The following PCDHGA5 variants were observed in gnomAD, a reference collection of about 807,000 sequenced individuals.
The protein encoded by PCDHGA5 is protocadherin gamma subfamily A, 5.
A neutral mutation model predicts 56.7 loss-of-function variants in PCDHGA5; 36 were observed. That is an observed-to-expected ratio of 0.64 (90% CI 0.49 to 0.84). The LOEUF is 0.84. PCDHGA5 is among the 40% of genes least tolerant of loss of function. The pLI is 0.00. For missense variants in PCDHGA5, 1,305 were observed against 1,201.5 expected (o/e 1.09, Z -1.27); for synonymous variants, 563 against 520.2 (o/e 1.08, Z -1.12).
chr5:141,393,331 G>A (rs2092730399), intron 1 of PCDHGA5: 1 of 1,613,860 alleles, frequency 6.2e-7, no homozygotes. Flanking sequence ...TACCAGCTCA[G>A]CCCCAATCAC....
At chr5:141,414,334 A>C in intron 1 of PCDHGA5, 1 of 1,613,782 alleles carries the variant, frequency 6.2e-7, no homozygotes, top group Non-Finnish European at 8.5e-7. Flanking sequence ...TGGACAGGTA[A>C]CCTGTTCCAT....
rs372479779 is a variant in PCDHGA5, at chr5:141,399,808, C to T, written c.2421+33057C>T. On this transcript the variant is annotated intron_variant, in intron 1 of 3. Coordinates refer to ENST00000518069, the MANE Select transcript of PCDHGA5 (RefSeq NM_018918.3). The stretch of plus-strand genomic sequence containing the variant: ...CGACAACGCACCGCGGGTGCTGTAC[C>T]CCGCGCTGGGTCCCGACGGCTCTGC... 72 of 1,613,090 alleles carry T rather than the reference C, an allele frequency of 4.5e-5. No homozygotes were observed. The highest frequency in any genetic ancestry group is 6.0e-5 in the Non-Finnish European group (71 of 1,179,762).
rs2095935492 is a variant in PCDHGA5 at position 141,415,755 on chromosome 5, T to TG, written c.2421+49004_2421+49005insG. ...GTTTATTAAGGTTTTTTTTTTTTTT[T>TG]TTTTTTTTTTTTTTTTTACTTTCTG... On this transcript the variant is annotated intron_variant, in intron 1 of 3. Coordinates refer to ENST00000518069, the MANE Select transcript of PCDHGA5 (RefSeq NM_018918.3). 10 of 1,387,646 alleles carry TG rather than the reference T, an allele frequency of 7.2e-6. No individual in the cohort carries two copies. The African/African-American group carries it at 1.4e-4, about 19-fold the overall frequency. The allele number at this position is 1,387,646 out of a possible 1,614,324, so 86.0% of individuals were successfully genotyped here.
chr5:141,423,546 G>A, intron 1 of PCDHGA5: 1 of 1,613,708 alleles, frequency 6.2e-7, no homozygotes, highest in Non-Finnish European at 8.5e-7. Flanking sequence ...TTTTCCCCCA[G>A]CCCAACTATG....
intron 1 of PCDHGA5, chr5:141,440,868 T>G (rs1288344051): frequency 3.9e-5 from 6 of 152,150 alleles, no homozygotes; most frequent in Non-Finnish European, 1.5e-5. Context: ...ATCTAGGATG[T>G]GTACAGCGTC....
chr5:141,376,374 G>T lies in PCDHGA5; in HGVS notation c.2421+9623G>T, dbSNP rs561821467. Reference sequence around the variant, plus strand: ...GAGGTCTCACTCACTGCAGACTCGCGTAAGAGTCATCTGATTTTCCCCCAG... The same window carrying T: ...GAGGTCTCACTCACTGCAGACTCGCTTAAGAGTCATCTGATTTTCCCCCAG... On this transcript the variant is annotated intron_variant, in intron 1 of 3. Transcript: ENST00000518069. The T allele has an allele frequency of 2.0e-5, 32 of 1,614,190 alleles. No homozygotes were observed. In the African/African-American group the frequency reaches 3.2e-4, roughly 16 times the overall value.
At chr5:141,389,889 G>T (rs1190060148) in intron 1 of PCDHGA5, 1 of 1,614,086 alleles carries the variant, frequency 6.2e-7, no homozygotes, top group South Asian at 1.1e-5. Context: ...CTTGCAGGAG[G>T]TGCTGCCGGA....
At chr5:141,421,579 T>A (rs753573473) in intron 1 of PCDHGA5, 1 of 1,613,934 alleles carries the variant, frequency 6.2e-7, no homozygotes, top group Non-Finnish European at 8.5e-7. Flanking sequence ...CTTGAAGATT[T>A]ACGGAGTGGA....
At chr5:141,494,729 C>A in intron 1 of PCDHGA5, 78 bp from the exon 2 acceptor site, 1 of 1,610,166 alleles carries the variant, frequency 6.2e-7, no homozygotes. Context: ...CCTTCTCTCC[C>A]GGCCCATCCC....
chr5:141,394,263 A>T, intron 1 of PCDHGA5: 1 of 1,613,884 alleles, frequency 6.2e-7, no homozygotes, highest in Non-Finnish European at 8.5e-7. Flanking sequence ...CAGCCAGGAG[A>T]ATGCCCAGGT....
chr5:141,429,387 T>TTAA (rs775632416), intron 1 of PCDHGA5, among the ~76,000 whole-genome samples: 1 of 151,334 alleles, frequency 6.6e-6, no homozygotes, highest in Non-Finnish European at 1.5e-5. Flanking sequence ...GTTTTTTTTT[T>TTAA]AAAAAAAATT....
chr5:141,405,431 T>TGTTTTTGA (rs1428153443), intron 1 of PCDHGA5: 4 of 1,490,528 alleles, frequency 2.7e-6, no homozygotes, highest in Non-Finnish European at 2.7e-6. Flanking sequence ...TGTTTTGTTT[T>TGTTTTTGA]GTTTTTGAGA....
intron 1 of PCDHGA5, chr5:141,408,003 C>A: frequency 3.3e-6 from 3 of 917,520 alleles, no homozygotes; most frequent in Non-Finnish European, 4.7e-6. Context: ...GCCTGGGATT[C>A]CCTGCGCAGC....
Position 141,485,665 on chromosome 5 carries a change from C to G in PCDHGA5, c.2422-9142C>G. ...AGGCTCAGGATGCAGATGTGGGGAG[C>G]AATTCGATTAGCAGCTATAGGCTGA... On this transcript the variant is annotated intron_variant, in intron 1 of 3. Coordinates refer to ENST00000518069, the MANE Select transcript of PCDHGA5 (RefSeq NM_018918.3). This position sits in a 1 kb window ranked among gnomAD's most constrained non-coding sequence, Gnocchi z 5.7. 1 of 1,612,622 alleles carries G rather than the reference C, an allele frequency of 6.2e-7. No individual in the cohort carries two copies.
At chr5:141,417,753 C>T (rs889153718) in intron 1 of PCDHGA5, 3 of 1,431,672 alleles carry the variant, frequency 2.1e-6, no homozygotes, top group African/African-American at 2.9e-5. Flanking sequence ...ATTGCCAGCT[C>T]CGAGACCCGG....
chr5:141,477,287 G>T lies in PCDHGA5; in HGVS notation c.2422-17520G>T. ...CGAGAACGGGCTGGTGACCTGCGAA[G>T]TTCCACCGGGTCTCCCTTTCAGCCT... On this transcript the variant is annotated intron_variant, in intron 1 of 3. Coordinates refer to ENST00000518069, the MANE Select transcript of PCDHGA5 (RefSeq NM_018918.3). The surrounding 1 kb of genome is among the most constrained non-coding windows in gnomAD (Gnocchi z 4.9). The T allele has an allele frequency of 6.2e-7, 1 of 1,614,190 alleles. No homozygotes were observed.
intron 1 of PCDHGA5, among the ~76,000 whole-genome samples, chr5:141,449,714 A>G (rs1188830159): frequency 2.6e-5 from 4 of 151,334 alleles, no homozygotes; most frequent in African/African-American, 7.3e-5. Flanking sequence ...CATTATTTTT[A>G]TATGATATGA....
At position 141,374,269 on chromosome 5, in the gene PCDHGA5, C is replaced by T. The variant is rs372510702; in HGVS notation, c.2421+7518C>T. The stretch of plus-strand genomic sequence containing the variant: ...TGGAGCCCCAGGAGTTGGCGGAGCA[C>T]GGAGTCCGCATCGTCTCCAGAGGTA... On this transcript the variant is annotated intron_variant, in intron 1 of 3. Transcript: ENST00000518069. 9.5e-5 allele frequency: 154 copies of T among 1,614,002 alleles called. No homozygotes were observed. In the African/African-American group the frequency reaches 1.8e-3, roughly 19 times the overall value.
At chr5:141,374,961 G>C (rs1770983787) in intron 1 of PCDHGA5, 1 of 1,614,028 alleles carries the variant, frequency 6.2e-7, no homozygotes, top group Non-Finnish European at 8.5e-7. Flanking sequence ...CAAATTTTCT[G>C]TTTGAATGTT....
Sources: allele counts gnomAD v4.1 joint callset (sites outside exome capture counted in the v4.1 genomes callset), GRCh38; gene constraint gnomAD v4.1.1; non-coding constraint Gnocchi (gnomAD v3.1); transcripts MANE v1.5; gene names NCBI Gene and HGNC (gene_info 2026-07-23, HGNC 2026-07-21).